The following NLRP14 variants were observed in gnomAD, a reference collection of about 807,000 sequenced individuals.
The protein encoded by NLRP14 is NLR family pyrin domain containing 14.
Under a neutral mutation model 94.7 loss-of-function variants are expected in NLRP14, and 105 were observed. The ratio of observed to expected loss-of-function variants is 1.11; its 90% CI spans 0.95 to 1.30. The LOEUF (loss-of-function observed/expected upper bound fraction) is 1.30. Ranked by LOEUF, NLRP14 falls within the 50% of genes most tolerant of loss-of-function variation. The pLI is 0.00. For missense variants in NLRP14, 1,362 were observed against 1,254.1 expected, an observed-to-expected ratio of 1.09 and a Z score of -1.30; for synonymous variants, 508 against 459.9, an observed-to-expected ratio of 1.10 and a Z score of -1.34.
At chr11:7,046,572 A>C in intron 4 of NLRP14, 96 bp from the exon 5 acceptor site, 2 of 1,224,618 alleles carry the variant, frequency 1.6e-6, no homozygotes, top group African/African-American at 1.5e-5. Context: ...GCCTTTCCAA[A>C]GTACACTTAC....
At chr11:7,085,084 T>G in the NLRP14 span, among the ~76,000 whole-genome samples, 7 of 152,230 alleles carry the variant, frequency 4.6e-5, no homozygotes, top group Non-Finnish European at 7.3e-5. Flanking sequence ...TAGCATTAAG[T>G]ATATTCATAT....
At chr11:7,089,197 C>A in the NLRP14 span, 1 of 1,613,866 alleles carries the variant, frequency 6.2e-7, no homozygotes, top group Non-Finnish European at 8.5e-7. Context: ...GCCCTCGAAG[C>A]CGAGTTTGGC....
intron 1 of NLRP14, among the ~76,000 whole-genome samples, chr11:7,025,637 T>C (rs1852004185): frequency 6.6e-6 from 1 of 152,178 alleles, no homozygotes; most frequent in South Asian, 2.1e-4. Context: ...AACCCTATGC[T>C]GTTTTCTAGA....
At position 7,049,611 on chromosome 11, in the gene NLRP14, A is replaced by T. The variant is rs758195688; in HGVS notation, c.2124-60A>T. ...CAAGAATTAGATTGAAAAGAAAGGG[A>T]TCCTGTAACCAAGGAGAGAAATGGT... is the stretch of plus-strand genomic sequence containing the variant. On this transcript the variant is annotated intron_variant, in intron 5 of 11. Coordinates refer to ENST00000299481, the MANE Select transcript of NLRP14 (RefSeq NM_176822.4). The T allele has an allele frequency of 3.1e-4, 355 of 1,144,872 alleles. 2 individuals are homozygous for T. Among genetic ancestry groups the T allele is most frequent in the Non-Finnish European group, 4.4e-4 (334 of 752,952 alleles). The allele number at this position is 1,144,872 out of a possible 1,614,324, so 70.9% of individuals were successfully genotyped here.
the NLRP14 span, among the ~76,000 whole-genome samples, chr11:7,088,771 A>G: frequency 6.6e-6 from 1 of 152,182 alleles, no homozygotes; most frequent in Non-Finnish European, 1.5e-5. Context: ...AATTGTTCTC[A>G]TTAAAACTAA....
At chr11:7,075,154 CT>C (rs1211116604), downstream of NLRP14, among the ~76,000 whole-genome samples, 1 of 152,130 alleles carries the variant, frequency 6.6e-6, no homozygotes, top group Non-Finnish European at 1.5e-5. Context: ...GGGAACTCAG[CT>C]TCCAAGGTTT....
In NLRP14 at chr11:7,020,503, G is replaced by A. The variant is rs1385801331; in HGVS notation, c.-289G>A. On this transcript the variant is annotated 5_prime_UTR_variant, in exon 1 of 12. Transcript: ENST00000299481. ...CATTCCTGCGCGGGCGGGAGCTGCG[G>A]GCGCTCGGGGGATAAGGCGAGGACG... is the stretch of plus-strand genomic sequence containing the variant. 6.6e-6 allele frequency: 1 copy of A among 152,340 alleles called. No individual in the cohort carries two copies. The highest frequency in any genetic ancestry group is 2.4e-5 in the African/African-American group (1 of 41,458). 9.4% of individuals were successfully genotyped at this position (152,340 alleles called of 1,614,324 possible). A position where few individuals can be genotyped will look rare whatever the true frequency, so the allele number is the denominator to read the frequency against.
chr11:7,031,547 G>C (rs1852095472), intron 1 of NLRP14, among the ~76,000 whole-genome samples: 1 of 152,146 alleles, frequency 6.6e-6, no homozygotes, highest in Non-Finnish European at 1.5e-5. Context: ...TGCCAACTGT[G>C]CTTGAATTTG....
At chr11:7,071,668 G>T (rs1440455613), downstream of NLRP14, among the ~76,000 whole-genome samples, 1 of 149,854 alleles carries the variant, frequency 6.7e-6, no homozygotes, top group Admixed American at 6.7e-5. Flanking sequence ...TTAGTTCACA[G>T]CCCTGCTATC....
At chr11:7,088,939 CCGACCAAT>C in the NLRP14 span, 2 of 683,158 alleles carry the variant, frequency 2.9e-6, no homozygotes, top group Admixed American at 5.8e-5. Flanking sequence ...CTGGAAACAG[CCGACCAAT>C]CACAGGCAGC....
chr11:7,089,092 G>A, the NLRP14 span: 9 of 1,604,822 alleles, frequency 5.6e-6, no homozygotes, highest in Admixed American at 1.7e-5. Flanking sequence ...GCCTCCCACC[G>A]CCACTGACCG....
At chr11:7,072,536 C>T (rs1852816270), downstream of NLRP14, among the ~76,000 whole-genome samples, 2 of 152,232 alleles carry the variant, frequency 1.3e-5, no homozygotes, top group Admixed American at 1.3e-4. Flanking sequence ...TACATTGACT[C>T]ATCTTCCAGG....
In NLRP14 at chr11:7,042,936, T is replaced by C. The variant is rs773793259; in HGVS notation, c.910T>C (p.Leu304=). 3.7e-6 allele frequency: 6 copies of C among 1,614,150 alleles called. 1 individual carries two copies. In the South Asian group the frequency reaches 5.5e-5, roughly 15 times the overall value. ...RKVMLPEASL[L]VTTRLTTSKR... is the part of the protein sequence containing the mutation. The stretch of plus-strand genomic sequence containing the variant: ...AGTGATGCTCCCTGAGGCATCCTTA[T>C]TGGTGACAACAAGACTCACAACTTC... The change falls in exon 4 of 12, where the codon TTG becomes CTG. Residue 304 remains leucine, a synonymous_variant. Coordinates refer to ENST00000299481, the MANE Select transcript of NLRP14 (RefSeq NM_176822.4).
intron 1 of NLRP14, among the ~76,000 whole-genome samples, chr11:7,022,739 A>G (rs544254437): frequency 1.3e-5 from 2 of 152,344 alleles, no homozygotes; most frequent in Admixed American, 1.3e-4. Flanking sequence ...ATACCCAACT[A>G]GAATTCCTGG....
the NLRP14 span, chr11:7,090,387 T>C: frequency 7.7e-6 from 11 of 1,422,798 alleles, no homozygotes; most frequent in Admixed American, 2.0e-5. Flanking sequence ...CAAGGACTAG[T>C]ACAAGGAAGA....
rs745782197 is a variant in NLRP14 at position 7,048,856 on chromosome 11, GGTCT to G, written c.2124-810_2124-807del. Among the ~76,000 whole-genome samples the G allele has an allele frequency of 2.6e-5, 4 of 152,138 alleles. No individual in the cohort carries two copies. The East Asian group carries it at 5.8e-4, about 22-fold the overall frequency. ...TTCTCAGTCTGTGCCACCTTAATGTGGTCTGTCTTACTGTGGTCCCTTTTTCCTA... is the reference window on the plus strand; with the variant it reads ...TTCTCAGTCTGTGCCACCTTAATGTGGTCTTACTGTGGTCCCTTTTTCCTA... On this transcript the variant is annotated intron_variant, in intron 5 of 11. Coordinates refer to ENST00000299481, the MANE Select transcript of NLRP14 (RefSeq NM_176822.4).
At chr11:7,076,847 A>T in the NLRP14 span, among the ~76,000 whole-genome samples, 1 of 152,218 alleles carries the variant, frequency 6.6e-6, no homozygotes, top group Non-Finnish European at 1.5e-5. Context: ...CATGTGGGCT[A>T]TGATTCAAGA....
chr11:7,072,118 A>G (rs1852809951), downstream of NLRP14, among the ~76,000 whole-genome samples: 1 of 152,220 alleles, frequency 6.6e-6, no homozygotes, highest in Admixed American at 6.5e-5. Context: ...GTGGCTTAAA[A>G]CAATAATGAT....
the NLRP14 span, chr11:7,089,929 A>T: frequency 3.7e-6 from 6 of 1,612,792 alleles, no homozygotes; most frequent in Admixed American, 5.0e-5. Context: ...GACCGTGACT[A>T]CGGGGATCAT....
Sources: allele counts gnomAD v4.1 joint callset (sites outside exome capture counted in the v4.1 genomes callset), GRCh38; gene constraint gnomAD v4.1.1; transcripts MANE v1.5; gene names NCBI Gene and HGNC (gene_info 2026-07-23, HGNC 2026-07-21).